The following ZNF676 variants were observed in gnomAD, a reference collection of about 807,000 sequenced individuals.
ZNF676 encodes the protein zinc finger protein 676.
Under a neutral mutation model 6.0 loss-of-function variants are expected in ZNF676, and 4 were observed. The ratio of observed to expected loss-of-function variants is 0.67; its 90% CI spans 0.33 to 1.53. The LOEUF is 1.53. Among genes scored for constraint, ZNF676 ranks in the 40% most tolerant of loss-of-function variants. ZNF676 has a pLI of 0.06. For synonymous variants in ZNF676, 198 were observed against 223.1 expected, an observed-to-expected ratio of 0.89 and a Z score of 1.00; for missense variants, 644 against 679.7, an observed-to-expected ratio of 0.95 and a Z score of 0.58.
At chr19:22,217,845 G>C (rs1425974687), upstream of ZNF676, among the ~76,000 whole-genome samples, 3 of 151,698 alleles carry the variant, frequency 2.0e-5, no homozygotes, top group African/African-American at 7.3e-5. Context: ...CAGGGATTAC[G>C]GACACACTCC....
At chr19:22,189,126 CA>C (rs1260762997) in intron 2 of ZNF676, among the ~76,000 whole-genome samples, 8 of 152,028 alleles carry the variant, frequency 5.3e-5, no homozygotes, top group Admixed American at 5.2e-4. Context: ...CTACAGTAAC[CA>C]AAACAGTATG....
At chr19:22,251,875 C>T in the ZNF676 span, among the ~76,000 whole-genome samples, 1 of 151,684 alleles carries the variant, frequency 6.6e-6, no homozygotes, top group African/African-American at 2.4e-5. Flanking sequence ...TTCTTCCCAA[C>T]ATTTGCCCTT....
chr19:22,242,911 C>G, the ZNF676 span, among the ~76,000 whole-genome samples: 10 of 151,940 alleles, frequency 6.6e-5, no homozygotes, highest in Admixed American at 5.2e-4. Context: ...CATCACAGTT[C>G]CCACTGTGTA....
intron 1 of ZNF676, among the ~76,000 whole-genome samples, chr19:22,196,250 G>T (rs1170164292): frequency 1.3e-5 from 2 of 152,068 alleles, no homozygotes; most frequent in Non-Finnish European, 2.9e-5. Flanking sequence ...CCACCAGAAG[G>T]TATACTGAGG....
chr19:22,220,421 A>C (rs2024236083), upstream of ZNF676, among the ~76,000 whole-genome samples: 1 of 150,020 alleles, frequency 6.7e-6, no homozygotes, highest in Non-Finnish European at 1.5e-5. Flanking sequence ...GATAGAATTG[A>C]GCTATGAATC....
the ZNF676 span, among the ~76,000 whole-genome samples, chr19:22,254,098 A>G: frequency 6.6e-6 from 1 of 152,190 alleles, no homozygotes; most frequent in African/African-American, 2.4e-5. Context: ...TTCACATCAC[A>G]TAGGTTTTTG....
At chr19:22,226,638 C>T in the ZNF676 span, among the ~76,000 whole-genome samples, 2 of 147,824 alleles carry the variant, frequency 1.4e-5, no homozygotes, top group African/African-American at 2.5e-5. Context: ...ACTCTGTCAT[C>T]CAGGCAGGAG....
the ZNF676 span, chr19:22,245,049 C>T: frequency 1.3e-5 from 2 of 152,100 alleles, no homozygotes; most frequent in African/African-American, 4.8e-5. Flanking sequence ...AGTCAGATCT[C>T]TTAGGTGTGG....
chr19:22,247,896 C>G, the ZNF676 span, among the ~76,000 whole-genome samples: 4 of 146,818 alleles, frequency 2.7e-5, no homozygotes, highest in South Asian at 2.4e-4. Flanking sequence ...TCCCTCCCCC[C>G]TCCCCCTACC....
At chr19:22,185,012 C>A (rs187703117) in intron 2 of ZNF676, among the ~76,000 whole-genome samples, 3 of 152,172 alleles carry the variant, frequency 2.0e-5, no homozygotes, top group South Asian at 4.2e-4. Context: ...AGCGTTCAAG[C>A]GCTGCTAAGG....
the ZNF676 span, among the ~76,000 whole-genome samples, chr19:22,250,158 G>C: frequency 6.6e-6 from 1 of 151,582 alleles, no homozygotes; most frequent in East Asian, 1.9e-4. Context: ...CTCCACCCTG[G>C]GTGACAAGAG....
chr19:22,184,659 C>T (rs2023807469), intron 2 of ZNF676, among the ~76,000 whole-genome samples: 1 of 151,766 alleles, frequency 6.6e-6, no homozygotes, highest in South Asian at 2.1e-4. Flanking sequence ...TAAGCTTGAC[C>T]TGGGAAGCTC....
At chr19:22,225,176 G>A in the ZNF676 span, among the ~76,000 whole-genome samples, 4 of 152,010 alleles carry the variant, frequency 2.6e-5, no homozygotes, top group Non-Finnish European at 5.9e-5. Context: ...TATGAGTTTG[G>A]CTATTTAACT....
At chr19:22,182,585 T>TAAAAAAAAAAAAAAAAAAAAAAAA (rs67699215) in intron 2 of ZNF676, among the ~76,000 whole-genome samples, 4 of 45,058 alleles carry the variant, frequency 8.9e-5, no homozygotes, top group African/African-American at 4.2e-4. Context: ...GTCAAAGTTC[T>TAAAAAAAAAAAAAAAAAAAAAAAA]AAAAAAAAAA....
rs1202047899 is a variant in ZNF676 at position 22,180,821 on chromosome 19, T to C, written c.896A>G (p.His299Arg). 2 of 1,594,624 alleles carry C rather than the reference T, an allele frequency of 1.3e-6. No homozygotes were observed. The highest frequency in any genetic ancestry group is 1.7e-6 in the Non-Finnish European group (2 of 1,163,926). Residue 299 changes from histidine to arginine, a missense_variant, in exon 3 of 3, where the codon CAT becomes CGT. His to Arg is a conservative substitution (Grantham distance 29). Coordinates refer to ENST00000397121, the MANE Select transcript of ZNF676 (RefSeq NM_001001411.3). ...TTTCTCTCCAGTATGAATTCTCTTA[T>C]GTTCCATGAGCTTTGAGGACGAGTT... ...ASNSSSKLME[H>R]KRIHTGEKPY...
At chr19:22,233,117 A>G in the ZNF676 span, among the ~76,000 whole-genome samples, 1 of 152,312 alleles carries the variant, frequency 6.6e-6, no homozygotes, top group East Asian at 1.9e-4. Context: ...TGCAGCACAT[A>G]TATAAAATTT....
chr19:22,179,991 C>T lies in ZNF676; in HGVS notation c.1726G>A (p.Val576Ile), dbSNP rs532104019. 1.7e-5 allele frequency: 28 copies of T among 1,611,584 alleles called. No homozygotes were observed. In the East Asian group the frequency reaches 6.0e-4, roughly 35 times the overall value. The change falls in exon 3 of 3, where the codon GTT becomes ATT. Residue 576 changes from valine to isoleucine, a missense_variant. This residue lies in a region of ZNF676 where 306 missense variants were observed against 265.4 expected (regional missense o/e 1.15). Coordinates refer to ENST00000397121, the MANE Select transcript of ZNF676 (RefSeq NM_001001411.3). ...CGKAFKSSSTVSYHKKIHTGE... is the reference protein window; with the variant it reads ...CGKAFKSSSTISYHKKIHTGE... ...GTATGAATTTTCTTATGATAACTAA[C>T]AGTTGAGGATGACTTAAAAGCTTTG...
chr19:22,248,270 G>A, the ZNF676 span, among the ~76,000 whole-genome samples: 5 of 152,186 alleles, frequency 3.3e-5, no homozygotes, highest in South Asian at 2.1e-4. Flanking sequence ...CCCAGTAATG[G>A]GATGGCTGGG....
intron 1 of ZNF676, among the ~76,000 whole-genome samples, chr19:22,208,774 T>C (rs115776722): frequency 2.6e-5 from 4 of 151,994 alleles, no homozygotes; most frequent in Admixed American, 2.0e-4. Flanking sequence ...CAAAATCCCA[T>C]CTATTAAAAA....
Sources: gnomAD v4.1 joint callset for allele counts (sites outside exome capture counted in the v4.1 genomes callset) on GRCh38, gnomAD v4.1.1 for gene constraint, gnomAD v4.1.1 regional missense constraint, MANE v1.5 for transcripts, NCBI Gene and HGNC (gene_info 2026-07-23, HGNC 2026-07-21) for gene names.